Variants in TCF4 observed in about 807,000 individuals in gnomAD.
The protein encoded by TCF4 is transcription factor 4.
A neutral mutation model predicts 82.1 loss-of-function variants in TCF4; 3 were observed. The ratio of observed to expected loss-of-function variants is 0.04; its 90% confidence interval spans 0.02 to 0.09. TCF4 has a LOEUF of 0.09. Ranked by LOEUF, TCF4 falls within the 10% of genes least tolerant of loss-of-function variation. TCF4 has a pLI of 1.00. For missense variants in TCF4, 518 were observed against 852.7 expected, an observed-to-expected ratio of 0.61 and a Z score of 4.89; for synonymous variants, 276 against 309.6, an observed-to-expected ratio of 0.89 and a Z score of 1.14.
At position 55,635,588 on chromosome 18, in the gene TCF4, A is replaced by G. The variant is rs114643395; in HGVS notation, c.195+115T>C. Reference sequence around the variant, plus strand: ...GCCAAGTGCTGTGGAGATGTCAGGGAGAGAGGTTAGAGAGCTAGAAACTAC... The same window carrying G: ...GCCAAGTGCTGTGGAGATGTCAGGGGGAGAGGTTAGAGAGCTAGAAACTAC... On this transcript the variant is annotated intron_variant, in intron 1 of 20. Coordinates refer to the TCF4 transcript ENST00000398339. The G allele has an allele frequency of 3.2e-4, 422 of 1,313,976 alleles. 1 individual carries two copies. The African/African-American group carries it at 5.3e-3, about 16-fold the overall frequency. The allele number at this position is 1,313,976 out of a possible 1,614,324, so 81.4% of individuals were successfully genotyped here.
intron 6 of TCF4, chr18:55,401,604 T>A (rs1024158287): frequency 2.9e-4 from 284 of 988,362 alleles, no homozygotes; most frequent in Non-Finnish European, 3.2e-4. Flanking sequence ...AAAAAAAAAA[T>A]TAACTTCAGT....
At chr18:55,401,831 A>C (rs1195545948) in intron 6 of TCF4, 2 of 970,130 alleles carry the variant, frequency 2.1e-6, no homozygotes, top group Non-Finnish European at 2.5e-6. Flanking sequence ...CAATGACCAG[A>C]AAAAGGGGCC....
At chr18:55,596,662 T>C (rs986654492) in intron 2 of TCF4, among the ~76,000 whole-genome samples, 12 of 152,326 alleles carry the variant, frequency 7.9e-5, no homozygotes, top group African/African-American at 2.2e-4. Context: ...CACGTTTCTT[T>C]AATGGTCATG....
At chr18:55,254,738 C>G in intron 14 of TCF4, 38 bp from the exon 15 acceptor site, 2 of 1,564,382 alleles carry the variant, frequency 1.3e-6, no homozygotes, top group South Asian at 1.2e-5. Flanking sequence ...TGATTTAGTT[C>G]AAAAGGGGTG....
At chr18:55,242,610 ATT>A (rs35918728) in intron 15 of TCF4, among the ~76,000 whole-genome samples, 19 of 142,508 alleles carry the variant, frequency 1.3e-4, no homozygotes, top group East Asian at 2.0e-4. Flanking sequence ...GCAGGCACTG[ATT>A]TTTTTTTTTT....
At chr18:55,592,647 CCCAGCCCCA>C (rs1568479202), upstream of TCF4, among the ~76,000 whole-genome samples, 1 of 152,036 alleles carries the variant, frequency 6.6e-6, no homozygotes, top group Non-Finnish European at 1.5e-5. Context: ...TCCTTCTTGC[CCCAGCCCCA>C]CCAGCCCCAG....
chr18:55,419,189 T>C (rs758867369), intron 5 of TCF4, among the ~76,000 whole-genome samples: 11 of 152,164 alleles, frequency 7.2e-5, no homozygotes, highest in Non-Finnish European at 1.5e-4. Flanking sequence ...ATCAGTAAAA[T>C]GTAGCTGAAA....
At chr18:55,553,679 G>A (rs1478897141) in intron 3 of TCF4, among the ~76,000 whole-genome samples, 1 of 152,194 alleles carries the variant, frequency 6.6e-6, no homozygotes, top group Non-Finnish European at 1.5e-5. Flanking sequence ...TCCAGCATGA[G>A]TAGTATGATG....
At position 55,232,610 on chromosome 18, in the gene TCF4, A is replaced by G. The variant is rs753792963; in HGVS notation, c.1548T>C (p.Asp516=). ...VSSGSSEIKS[D]DEGDENLQDT... ...CTTGCAGGTTCTCATCACCCTCGTCATCGGATTTGATCTCAGAGCTGCCAG... is the reference window on the plus strand; with the variant it reads ...CTTGCAGGTTCTCATCACCCTCGTCGTCGGATTTGATCTCAGAGCTGCCAG... Residue 516 remains aspartate, a synonymous_variant, in exon 17 of 20, where the codon GAT becomes GAC. Coordinates refer to ENST00000354452, the MANE Select transcript of TCF4 (RefSeq NM_001083962.2). The G allele has an allele frequency of 6.2e-7, 1 of 1,614,120 alleles. No individual in the cohort carries two copies. The highest frequency in any genetic ancestry group is 1.1e-5 in the South Asian group (1 of 91,082).
chr18:55,364,864 T>C (rs2086431744), intron 6 of TCF4, among the ~76,000 whole-genome samples: 1 of 152,004 alleles, frequency 6.6e-6, no homozygotes, highest in African/African-American at 2.4e-5. Context: ...CTAATGCACA[T>C]TAAAAATATA....
intron 5 of TCF4, among the ~76,000 whole-genome samples, chr18:55,425,578 T>C (rs1317940526): frequency 1.3e-5 from 2 of 151,890 alleles, no homozygotes; most frequent in Non-Finnish European, 2.9e-5. Flanking sequence ...GATCACCTTG[T>C]GTTTTGAATG....
At chr18:55,576,538 T>C (rs2097529644) in intron 3 of TCF4, among the ~76,000 whole-genome samples, 1 of 152,122 alleles carries the variant, frequency 6.6e-6, no homozygotes, top group South Asian at 2.1e-4. Flanking sequence ...CTGGGAGCTC[T>C]CTTTAATCTA....
intron 17 of TCF4, chr18:55,230,366 G>A (rs2047575178): frequency 2.0e-5 from 3 of 152,184 alleles, no homozygotes; most frequent in Admixed American, 2.0e-4. Context: ...TGAGGAAGTC[G>A]TCACAGCAGC....
intron 2 of TCF4, among the ~76,000 whole-genome samples, chr18:55,600,866 A>G (rs149555473): frequency 6.6e-6 from 1 of 152,340 alleles, no homozygotes; most frequent in African/African-American, 2.4e-5. Flanking sequence ...AGAGTGTAAC[A>G]AGTATTTACA....
chr18:55,570,507 G>C (rs1401765217), intron 3 of TCF4, among the ~76,000 whole-genome samples: 1 of 152,118 alleles, frequency 6.6e-6, no homozygotes, highest in African/African-American at 2.4e-5. Flanking sequence ...GGGCGGGGTA[G>C]ATTCCACAGA....
chr18:55,273,789 C>T (rs561678336), intron 10 of TCF4, among the ~76,000 whole-genome samples: 1 of 152,104 alleles, frequency 6.6e-6, no homozygotes, highest in African/African-American at 2.4e-5. Flanking sequence ...TATTTTCTCT[C>T]TAGTTCATAA....
At chr18:55,530,164 C>T (rs188449649) in intron 3 of TCF4, among the ~76,000 whole-genome samples, 40 of 152,186 alleles carry the variant, frequency 2.6e-4, no homozygotes, top group African/African-American at 9.1e-4. Context: ...AAAAATTGAA[C>T]GGCAATTGTG....
At position 55,227,741 on chromosome 18, in the gene TCF4, G is replaced by A. The variant is rs771124381; in HGVS notation, c.*294C>T. 4.0e-4 allele frequency: 62 copies of A among 155,184 alleles called. No individual in the cohort carries two copies. Among genetic ancestry groups the A allele is most frequent in the Non-Finnish European group, 4.3e-4 (30 of 69,938 alleles). The allele number at this position is 155,184 out of a possible 1,614,324, so 9.6% of individuals were successfully genotyped here. A position where few individuals can be genotyped will look rare whatever the true frequency, so the allele number is the denominator to read the frequency against. ...TGTTCCACAGTGTGGAAAGATTGCC[G>A]TTCAGTCTCTGGGCTGTGTCTCAGC... is the stretch of plus-strand genomic sequence containing the variant. On this transcript the variant is annotated 3_prime_UTR_variant, in exon 20 of 20. Transcript: ENST00000354452.
At chr18:55,312,240 C>T (rs28604337) in intron 8 of TCF4, among the ~76,000 whole-genome samples, 5,788 of 152,220 alleles carry the variant, frequency 0.038, 204 homozygotes, top group South Asian at 0.16. Context: ...GATTCTAATA[C>T]GGATTATCCT....
Sources: gnomAD v4.1 joint callset for allele counts (sites outside exome capture counted in the v4.1 genomes callset) on GRCh38, gnomAD v4.1.1 for gene constraint, MANE v1.5 for transcripts, NCBI Gene and HGNC (gene_info 2026-07-23, HGNC 2026-07-21) for gene names.